The following QRFPR variants were observed in gnomAD, a reference collection of about 807,000 sequenced individuals.
QRFPR encodes pyroglutamylated RF-amide peptide receptor.
QRFPR carries 37 observed loss-of-function variants against 31.3 expected under a neutral mutation model. The ratio of observed to expected loss-of-function variants is 1.18; its 90% CI spans 0.91 to 1.56. The LOEUF (loss-of-function observed/expected upper bound fraction) is 1.56, where lower values mean the gene tolerates loss of function less well. QRFPR is among the 40% of genes most tolerant of loss of function. The pLI is 0.00. For synonymous variants in QRFPR, 197 were observed against 192.0 expected (o/e 1.03, Z -0.22); for missense variants, 542 against 532.5 (o/e 1.02, Z -0.18).
intron 1 of QRFPR, among the ~76,000 whole-genome samples, chr4:121,352,941 CCCACATATGAGTG>C (rs1298551236): frequency 6.6e-6 from 1 of 151,956 alleles, no homozygotes; most frequent in Non-Finnish European, 1.5e-5. Context: ...TTCTTTCGTT[CCCACATATGAGTG>C]AGAACACGTG....
chr4:121,370,079 T>C (rs957552592), intron 1 of QRFPR: 1 of 772,150 alleles, frequency 1.3e-6, no homozygotes, highest in Non-Finnish European at 2.4e-6. Context: ...TTGTCCACAC[T>C]GTCAATGGCC....
Position 121,362,871 on chromosome 4 carries a change from A to G in QRFPR, c.340+17437T>C, listed in dbSNP as rs978183219. 2.9e-4 allele frequency among the ~76,000 whole-genome samples: 44 copies of G among 150,478 alleles called. 6 individuals are homozygous for G. Among genetic ancestry groups the G allele is most frequent in the Non-Finnish European group, 1.5e-4 (10 of 67,674 alleles). The stretch of plus-strand genomic sequence containing the variant: ...AGATAACTAACCATACTTATCTGAC[A>G]TGAAATACCCATTATTGTTATTGAA... On this transcript the variant is annotated intron_variant, in intron 1 of 5. Transcript: ENST00000394427.
At chr4:121,352,525 A>G (rs575196460) in intron 1 of QRFPR, among the ~76,000 whole-genome samples, 1 of 152,228 alleles carries the variant, frequency 6.6e-6, no homozygotes, top group East Asian at 1.9e-4. Flanking sequence ...TTAAAAAATC[A>G]TCACTGGCAA....
chr4:121,329,233 A>G lies in QRFPR; in HGVS notation c.*81T>C. 1 of 1,069,140 alleles carries G rather than the reference A, an allele frequency of 9.4e-7. No individual in the cohort carries two copies. The allele number at this position is 1,069,140 out of a possible 1,614,324, so 66.2% of individuals were successfully genotyped here. A position where few individuals can be genotyped will look rare whatever the true frequency, so the allele number is the denominator to read the frequency against. Reference sequence around the variant, plus strand: ...TCTTGTCATCATCTTAAGAATAAAAAGAGTATTTGACCTTTGCTCAAAATA... The same window carrying G: ...TCTTGTCATCATCTTAAGAATAAAAGGAGTATTTGACCTTTGCTCAAAATA... On this transcript the variant is annotated 3_prime_UTR_variant, in exon 6 of 6. Coordinates refer to ENST00000394427, the MANE Select transcript of QRFPR (RefSeq NM_198179.3).
At chr4:121,361,559 TTATTGAAC>T (rs1725992140) in intron 1 of QRFPR, among the ~76,000 whole-genome samples, 1 of 150,082 alleles carries the variant, frequency 6.7e-6, no homozygotes, top group Admixed American at 6.6e-5. Flanking sequence ...GTCTCAAACT[TTATTGAAC>T]ATATGGACCA....
In QRFPR at chr4:121,329,703, T is replaced by C. The variant is rs757411191; in HGVS notation, c.907A>G (p.Lys303Glu). 58 of 1,525,954 alleles carry C rather than the reference T, an allele frequency of 3.8e-5. No individual in the cohort carries two copies. In the Middle Eastern group the frequency reaches 1.4e-3, roughly 37 times the overall value. 94.5% of individuals were successfully genotyped at this position (1,525,954 alleles called of 1,614,324 possible). The stretch of plus-strand genomic sequence containing the variant: ...TTGATTGTGACATCATCATATTCCT[T>C]TTCAAAATTACCTGAAATAAAGTAA... ...HMMIEYSNFEKEYDDVTIKMI... is the reference protein window; with the variant it reads ...HMMIEYSNFEEEYDDVTIKMI... Residue 303 changes from lysine (K) to glutamate (E), a missense_variant, in exon 6 of 6, where the codon AAG becomes GAG. Coordinates refer to ENST00000394427, the MANE Select transcript of QRFPR (RefSeq NM_198179.3).
At chr4:121,356,262 A>T (rs1358086173) in intron 1 of QRFPR, among the ~76,000 whole-genome samples, 2 of 152,134 alleles carry the variant, frequency 1.3e-5, no homozygotes, top group South Asian at 2.1e-4. Context: ...CTTAATTTTT[A>T]AAAAATTATT....
At chr4:121,340,250 A>T in intron 2 of QRFPR, 1 of 582,424 alleles carries the variant, frequency 1.7e-6, no homozygotes, top group East Asian at 2.9e-5. Flanking sequence ...ACCCAAAATG[A>T]TACATTTTCA....
intron 1 of QRFPR, among the ~76,000 whole-genome samples, chr4:121,358,482 T>TA (rs1725911618): frequency 6.6e-6 from 1 of 152,222 alleles, no homozygotes. Context: ...AAATAAATGA[T>TA]AACTGAAAAG....
At chr4:121,370,220 G>A (rs1485363530) in intron 1 of QRFPR, 2 of 776,104 alleles carry the variant, frequency 2.6e-6, no homozygotes, top group African/African-American at 3.4e-5. Flanking sequence ...GAGGAGTCAT[G>A]GGTGCAGGGT....
intron 1 of QRFPR, among the ~76,000 whole-genome samples, chr4:121,351,510 A>G (rs568416732): frequency 2.0e-4 from 30 of 152,312 alleles, no homozygotes; most frequent in African/African-American, 7.0e-4. Context: ...AATGACAAAA[A>G]TTAGATTTTC....
At chr4:121,357,203 C>T (rs1173331932) in intron 1 of QRFPR, among the ~76,000 whole-genome samples, 6 of 152,010 alleles carry the variant, frequency 3.9e-5, no homozygotes, top group Admixed American at 6.6e-5. Context: ...GAATTCATTT[C>T]CTTGCCTTTT....
chr4:121,365,021 A>G (rs1436770685), intron 1 of QRFPR, among the ~76,000 whole-genome samples: 2 of 149,872 alleles, frequency 1.3e-5, no homozygotes, highest in Non-Finnish European at 3.0e-5. Context: ...TTAAGTCTCC[A>G]TGAGACCTAC....
rs1560743792 is a variant in QRFPR, at chr4:121,365,566, TATATATAA to T, written c.340+14734_340+14741del. Among the ~76,000 whole-genome samples the T allele has an allele frequency of 1.0e-2, 29 of 2,914 alleles. 5 individuals carry two copies. Among genetic ancestry groups the T allele is most frequent in the Non-Finnish European group, 0.015 (28 of 1,902 alleles). The allele number at this position is 2,914 out of a possible 152,430, so 1.9% of individuals were successfully genotyped here. On this transcript the variant is annotated intron_variant, in intron 1 of 5. Coordinates refer to ENST00000394427, the MANE Select transcript of QRFPR (RefSeq NM_198179.3). The stretch of plus-strand genomic sequence containing the variant: ...ATTATATATAATATATAATATATAT[TATATATAA>T]TATATATTATATATATTATATATAT...
At chr4:121,370,745 G>T (rs1226860781) in intron 1 of QRFPR, among the ~76,000 whole-genome samples, 1 of 152,130 alleles carries the variant, frequency 6.6e-6, no homozygotes, top group Non-Finnish European at 1.5e-5. Flanking sequence ...TGTATTAAAG[G>T]GGACTTTAAA....
intron 1 of QRFPR, among the ~76,000 whole-genome samples, chr4:121,363,287 T>C (rs1410506142): frequency 6.7e-6 from 1 of 149,862 alleles, no homozygotes; most frequent in Non-Finnish European, 1.5e-5. Flanking sequence ...GGTCGCGCCA[T>C]TGCACTCCAG....
At chr4:121,371,293 C>T (rs539727137) in intron 1 of QRFPR, among the ~76,000 whole-genome samples, 10 of 152,286 alleles carry the variant, frequency 6.6e-5, no homozygotes, top group South Asian at 6.2e-4. Flanking sequence ...TTAATTACTT[C>T]GGAATTCATC....
At chr4:121,343,689 A>ATT (rs2110471554) in intron 1 of QRFPR, among the ~76,000 whole-genome samples, 1 of 152,276 alleles carries the variant, frequency 6.6e-6, no homozygotes, top group African/African-American at 2.4e-5. Flanking sequence ...TTTAATCAGA[A>ATT]CTTTTTCTAT....
chr4:121,375,466 T>C (rs1726333009), intron 1 of QRFPR, among the ~76,000 whole-genome samples: 1 of 152,172 alleles, frequency 6.6e-6, no homozygotes, highest in Admixed American at 6.5e-5. Context: ...ACACAGGAAA[T>C]ACCCAAGAAA....
Sources: allele counts gnomAD v4.1 joint callset (sites outside exome capture counted in the v4.1 genomes callset), GRCh38; gene constraint gnomAD v4.1.1; transcripts MANE v1.5; gene names NCBI Gene and HGNC (gene_info 2026-07-23, HGNC 2026-07-21).